Variants in FGF12 observed in about 807,000 individuals in gnomAD.
FGF12 encodes fibroblast growth factor 12.
FGF12 carries 14 observed loss-of-function variants against 23.6 expected under a neutral mutation model. The ratio of observed to expected loss-of-function variants is 0.59; its 90% CI spans 0.39 to 0.93. The LOEUF is 0.93. Ranked by LOEUF, FGF12 falls within the 40% of genes least tolerant of loss-of-function variation. FGF12 has a pLI of 0.00. For synonymous variants in FGF12, 62 were observed against 77.3 expected (o/e 0.80, Z 1.04); for missense variants, 175 against 217.8 (o/e 0.80, Z 1.24).
Position 192,360,584 on chromosome 3 carries a change from A to G in FGF12, c.14-46T>C. 7.9e-7 allele frequency: 1 copy of G among 1,271,144 alleles called. No individual in the cohort carries two copies. The highest frequency in any genetic ancestry group is 1.2e-6 in the Non-Finnish European group (1 of 867,344). 78.7% of individuals were successfully genotyped at this position (1,271,144 alleles called of 1,614,324 possible). Reference sequence around the variant, plus strand: ...TCAAATTTTTATTTGGCTTACACAAATGCACACTTACAGATTGTTAAAAAC... The same window carrying G: ...TCAAATTTTTATTTGGCTTACACAAGTGCACACTTACAGATTGTTAAAAAC... On this transcript the variant is annotated intron_variant, in intron 2 of 5. Transcript: ENST00000445105. This position sits in a 1 kb window ranked among gnomAD's most constrained non-coding sequence, Gnocchi z 4.3.
intron 2 of FGF12, among the ~76,000 whole-genome samples, chr3:192,595,878 TGAGC>T (rs1415371077): frequency 6.6e-6 from 1 of 152,032 alleles, no homozygotes; most frequent in Non-Finnish European, 1.5e-5. Flanking sequence ...GTGGATTACT[TGAGC>T]TAAAGTTCAA....
At chr3:192,632,520 C>A (rs1381343049) in intron 2 of FGF12, among the ~76,000 whole-genome samples, 1 of 152,180 alleles carries the variant, frequency 6.6e-6, no homozygotes, top group East Asian at 1.9e-4. Context: ...AGAGAGCAGG[C>A]ATAATGTGCT....
chr3:192,180,937 A>G (rs1421449819), intron 4 of FGF12, among the ~76,000 whole-genome samples: 1 of 152,148 alleles, frequency 6.6e-6, no homozygotes, highest in African/African-American at 2.4e-5. Flanking sequence ...GGTTTTGTGA[A>G]GCTGAAGAGG....
intron 4 of FGF12, among the ~76,000 whole-genome samples, chr3:192,230,707 A>G (rs1014428180): frequency 6.6e-6 from 1 of 152,138 alleles, no homozygotes; most frequent in South Asian, 2.1e-4. Flanking sequence ...TTCAGGTGGA[A>G]GTAATCATTC....
chr3:192,209,763 T>C (rs1404170190), intron 4 of FGF12, among the ~76,000 whole-genome samples: 1 of 152,192 alleles, frequency 6.6e-6, no homozygotes, highest in Non-Finnish European at 1.5e-5. Flanking sequence ...CCATTTCCCA[T>C]ACAAACAGAT....
chr3:192,405,167 T>C (rs1720910798), intron 2 of FGF12, among the ~76,000 whole-genome samples: 2 of 151,106 alleles, frequency 1.3e-5, no homozygotes, highest in Admixed American at 6.6e-5. Flanking sequence ...AAGGATCCAA[T>C]GTGCACCCTG....
chr3:192,565,787 T>C (rs2108598206), intron 2 of FGF12, among the ~76,000 whole-genome samples: 1 of 152,286 alleles, frequency 6.6e-6, no homozygotes, highest in East Asian at 1.9e-4. Context: ...ATCCCTGTCA[T>C]TAAGAGACGC....
intron 4 of FGF12, among the ~76,000 whole-genome samples, chr3:192,242,676 C>A (rs1222034658): frequency 6.6e-6 from 1 of 151,674 alleles, no homozygotes; most frequent in Non-Finnish European, 1.5e-5. Flanking sequence ...ATATGAATTA[C>A]CAAAGGAGGA....
intron 2 of FGF12, among the ~76,000 whole-genome samples, chr3:192,588,182 G>A (rs1713453886): frequency 6.8e-6 from 1 of 147,744 alleles, no homozygotes; most frequent in African/African-American, 2.5e-5. Flanking sequence ...CGTCTCTACT[G>A]AAAAAAAAAT....
At chr3:192,530,220 A>C (rs1429206676) in intron 2 of FGF12, among the ~76,000 whole-genome samples, 1 of 152,118 alleles carries the variant, frequency 6.6e-6, no homozygotes, top group Non-Finnish European at 1.5e-5. Context: ...TTTGAAATCA[A>C]ACTGGACCTA....
At chr3:192,680,781 C>T (rs1473828141) in intron 2 of FGF12, among the ~76,000 whole-genome samples, 2 of 152,174 alleles carry the variant, frequency 1.3e-5, no homozygotes, top group African/African-American at 4.8e-5. Context: ...TATATTCTTG[C>T]ATTCATTCAG....
chr3:192,649,037 A>G (rs1560181304), intron 2 of FGF12, among the ~76,000 whole-genome samples: 3 of 152,304 alleles, frequency 2.0e-5, no homozygotes, highest in Non-Finnish European at 1.5e-5. Flanking sequence ...GGGTCACTCT[A>G]TCATGTTAAA....
intron 4 of FGF12, among the ~76,000 whole-genome samples, chr3:192,227,580 T>TAAAAAAAAA (rs778525112): frequency 8.3e-5 from 5 of 60,234 alleles, no homozygotes; most frequent in African/African-American, 1.8e-4. Context: ...GAACTTAAAG[T>TAAAAAAAAA]AAAAAAAAAA....
chr3:192,460,525 C>T (rs888873775), intron 2 of FGF12, among the ~76,000 whole-genome samples: 3 of 151,902 alleles, frequency 2.0e-5, no homozygotes, highest in Non-Finnish European at 4.4e-5. Flanking sequence ...CCTTTAAACC[C>T]GCAAGCAGAG....
intron 2 of FGF12, among the ~76,000 whole-genome samples, chr3:192,370,002 G>C (rs1344627812): frequency 1.3e-5 from 2 of 152,124 alleles, no homozygotes; most frequent in Non-Finnish European, 2.9e-5. Context: ...ATTTTGCTTT[G>C]AGCAGCACCA....
chr3:192,639,584 G>A (rs1396813563), intron 2 of FGF12, among the ~76,000 whole-genome samples: 1 of 152,206 alleles, frequency 6.6e-6, no homozygotes, highest in Non-Finnish European at 1.5e-5. Flanking sequence ...TAAGGAAACG[G>A]TGGTATACAC....
intron 4 of FGF12, among the ~76,000 whole-genome samples, chr3:192,323,710 T>C (rs577665113): frequency 3.9e-5 from 6 of 152,332 alleles, no homozygotes; most frequent in Non-Finnish European, 5.9e-5. Flanking sequence ...TTGAATTGTT[T>C]GTAACACAAA....
chr3:192,521,923 T>C (rs1463819751), intron 2 of FGF12, among the ~76,000 whole-genome samples: 2 of 152,192 alleles, frequency 1.3e-5, no homozygotes, highest in Non-Finnish European at 2.9e-5. Context: ...TATTTAAATA[T>C]TGATGAAATG....
chr3:192,304,975 GA>G (rs1715541327), intron 4 of FGF12, among the ~76,000 whole-genome samples: 1 of 151,844 alleles, frequency 6.6e-6, no homozygotes. Flanking sequence ...AGCTATTAAA[GA>G]AATACTCATA....
Sources: allele counts gnomAD v4.1 joint callset (sites outside exome capture counted in the v4.1 genomes callset), GRCh38; gene constraint gnomAD v4.1.1; non-coding constraint Gnocchi (gnomAD v3.1); transcripts MANE v1.5; gene names NCBI Gene and HGNC (gene_info 2026-07-23, HGNC 2026-07-21).